SLC35F1: variants seen among roughly 807,000 people sequenced by gnomAD.
SLC35F1 encodes solute carrier family 35 member F1.
In SLC35F1, 14 loss-of-function variants were observed where a neutral mutation model predicts 48.7. The observed-to-expected ratio is 0.29, with a 90% CI of 0.19 to 0.45. The LOEUF (loss-of-function observed/expected upper bound fraction) is 0.45, where lower values mean the gene tolerates loss of function less well. Among genes scored for constraint, SLC35F1 ranks in the 20% least tolerant of loss-of-function variants. The probability of loss-of-function intolerance (pLI) is 1.00; values close to 1 mark genes in which losing one functional copy is unlikely to be tolerated. For synonymous variants in SLC35F1, 190 were observed against 202.2 expected, an observed-to-expected ratio of 0.94 and a Z score of 0.51; for missense variants, 404 against 500.0, an observed-to-expected ratio of 0.81 and a Z score of 1.83.
At chr6:118,135,046 G>A (rs980276450) in intron 1 of SLC35F1, among the ~76,000 whole-genome samples, 3 of 152,170 alleles carry the variant, frequency 2.0e-5, no homozygotes, top group Non-Finnish European at 4.4e-5. Flanking sequence ...GAACAAGGAC[G>A]TCACGTTTCT....
chr6:118,243,117 G>A (rs780923660), intron 3 of SLC35F1, among the ~76,000 whole-genome samples: 10 of 152,190 alleles, frequency 6.6e-5, no homozygotes, highest in Non-Finnish European at 1.3e-4. Context: ...TCCACAGGGC[G>A]TATAAAACAT....
intron 1 of SLC35F1, among the ~76,000 whole-genome samples, chr6:118,099,260 A>G (rs1028232970): frequency 5.3e-5 from 8 of 152,332 alleles, no homozygotes; most frequent in Admixed American, 3.3e-4. Context: ...AGAATCACCT[A>G]TATGGAAGGC....
At chr6:118,076,605 G>A (rs9489305) in intron 1 of SLC35F1, among the ~76,000 whole-genome samples, 28,361 of 152,022 alleles carry the variant, frequency 0.19, 2,832 homozygotes, top group Admixed American at 0.28. Flanking sequence ...AGAACAGCAA[G>A]GGGGAAGTTC....
At chr6:118,005,290 T>C (rs1777159497) in intron 1 of SLC35F1, among the ~76,000 whole-genome samples, 1 of 152,076 alleles carries the variant, frequency 6.6e-6, no homozygotes, top group South Asian at 2.1e-4. Flanking sequence ...GTGTGACACT[T>C]AGGAGCTTGA....
At chr6:118,012,917 T>A (rs1582618734) in intron 1 of SLC35F1, among the ~76,000 whole-genome samples, 1 of 69,460 alleles carries the variant, frequency 1.4e-5, no homozygotes, top group Non-Finnish European at 3.6e-5. Flanking sequence ...ATAGATGTGA[T>A]TTTTTTTTTC....
At chr6:118,309,171 G>GTC (rs1418993158) in intron 7 of SLC35F1, among the ~76,000 whole-genome samples, 1 of 20,336 alleles carries the variant, frequency 4.9e-5, no homozygotes, top group African/African-American at 6.8e-4. Context: ...GCCTGTAGAT[G>GTC]TGTGTGTGTG....
rs572179107 is a variant in SLC35F1, at chr6:118,101,349, G to A, written c.174-53096G>A. ...GTGGTCCTTGCCACAGGGAGGGAGT[G>A]AGGATCTGCTGTGTGAATTGAAGGC... On this transcript the variant is annotated intron_variant, in intron 1 of 7. Transcript: ENST00000360388. Among the ~76,000 whole-genome samples, 7 of 152,308 alleles carry A rather than the reference G, an allele frequency of 4.6e-5. No individual in the cohort carries two copies. In the South Asian group the frequency reaches 1.5e-3, roughly 32 times the overall value.
chr6:118,027,081 TC>T (rs1355429876), intron 1 of SLC35F1, among the ~76,000 whole-genome samples: 1 of 152,194 alleles, frequency 6.6e-6, no homozygotes, highest in African/African-American at 2.4e-5. Flanking sequence ...GTGTCTGGGT[TC>T]TTTTACTTAG....
chr6:117,957,734 C>G (rs1422406482), intron 1 of SLC35F1, among the ~76,000 whole-genome samples: 1 of 152,186 alleles, frequency 6.6e-6, no homozygotes, highest in African/African-American at 2.4e-5. Context: ...GCACAAGATA[C>G]TACTCATGTG....
chr6:118,039,809 T>TTTG (rs1660127654), intron 1 of SLC35F1, among the ~76,000 whole-genome samples: 2 of 137,240 alleles, frequency 1.5e-5, no homozygotes, highest in Admixed American at 1.4e-4. Context: ...GTTTTTTTTG[T>TTTG]TTTTTTTTTT....
At chr6:118,165,964 A>G (rs1483372687) in intron 2 of SLC35F1, among the ~76,000 whole-genome samples, 3 of 152,200 alleles carry the variant, frequency 2.0e-5, no homozygotes, top group African/African-American at 7.2e-5. Context: ...TGTTAAGGCC[A>G]TCACAGTGGA....
chr6:118,112,146 T>TTTTC (rs1773416406), intron 1 of SLC35F1, among the ~76,000 whole-genome samples: 2 of 131,114 alleles, frequency 1.5e-5, no homozygotes, highest in African/African-American at 6.1e-5. Context: ...CTTTTCTTTT[T>TTTTC]TGAGACGGTG....
chr6:118,023,585 T>C (rs1777426826), intron 1 of SLC35F1, among the ~76,000 whole-genome samples: 1 of 152,180 alleles, frequency 6.6e-6, no homozygotes, highest in South Asian at 2.1e-4. Context: ...TTTGGTGGCA[T>C]GATATATTTA....
intron 1 of SLC35F1, among the ~76,000 whole-genome samples, chr6:118,142,556 T>C (rs1024327130): frequency 3.4e-5 from 4 of 117,950 alleles, no homozygotes; most frequent in African/African-American, 1.1e-4. Context: ...AACAGAATTA[T>C]ATTTATTCAT....
At chr6:118,295,588 TG>T (rs1490089807) in intron 7 of SLC35F1, among the ~76,000 whole-genome samples, 1 of 152,188 alleles carries the variant, frequency 6.6e-6, no homozygotes, top group Non-Finnish European at 1.5e-5. Flanking sequence ...TCACTGCACT[TG>T]AAAACTAGGG....
chr6:117,913,826 G>A (rs1475039463), intron 1 of SLC35F1, among the ~76,000 whole-genome samples: 1 of 152,150 alleles, frequency 6.6e-6, no homozygotes, highest in African/African-American at 2.4e-5. Flanking sequence ...CAAGGTGGGA[G>A]GGTCATCTGA....
Position 118,154,456 on chromosome 6 carries a change from T to C in SLC35F1, c.185T>C (p.Ile62Thr), listed in dbSNP as rs200310652. The stretch of plus-strand genomic sequence containing the variant: ...CCTTTATTTCTCAGGGAGATGTTAA[T>C]CTCTGTGGCCCTAGGCCAGGTGTTA... ...IRKVLNREML[I>T]SVALGQVLSL... is the part of the protein sequence containing the mutation. Residue 62 changes from isoleucine to threonine, a missense_variant, in exon 2 of 8, where the codon ATC becomes ACC. Physicochemically the swap from Ile to Thr is moderately conservative, Grantham distance 89 (BLOSUM62 -1). This residue lies in a region of SLC35F1 where 306 missense variants were observed against 419.1 expected (regional missense o/e 0.73). Coordinates refer to ENST00000360388, the MANE Select transcript of SLC35F1 (RefSeq NM_001029858.4). 94 of 1,606,430 alleles carry C rather than the reference T, an allele frequency of 5.9e-5. No individual in the cohort carries two copies. The highest frequency in any genetic ancestry group is 7.9e-5 in the Non-Finnish European group (93 of 1,176,272).
intron 1 of SLC35F1, among the ~76,000 whole-genome samples, chr6:117,998,176 G>A (rs1777029086): frequency 6.7e-6 from 1 of 149,054 alleles, no homozygotes; most frequent in African/African-American, 2.5e-5. Context: ...AAGAGACAAA[G>A]AAGGCCATTA....
At chr6:118,110,183 C>T (rs1373321527) in intron 1 of SLC35F1, among the ~76,000 whole-genome samples, 1 of 152,144 alleles carries the variant, frequency 6.6e-6, no homozygotes, top group East Asian at 1.9e-4. Flanking sequence ...GAAGTCATTG[C>T]TCCCTTCCTC....
Sources: gnomAD v4.1 joint callset for allele counts (sites outside exome capture counted in the v4.1 genomes callset) on GRCh38, gnomAD v4.1.1 for gene constraint, gnomAD v4.1.1 regional missense constraint, MANE v1.5 for transcripts, NCBI Gene and HGNC (gene_info 2026-07-23, HGNC 2026-07-21) for gene names.